Variants in TIMM50 observed in about 807,000 individuals in gnomAD.
TIMM50 encodes mitochondrial import inner membrane translocase subunit TIM50.
In TIMM50, 34 loss-of-function variants were observed where a neutral mutation model predicts 49.6. The observed-to-expected ratio is 0.69, with a 90% CI of 0.52 to 0.91. The LOEUF is 0.91. Among genes scored for constraint, TIMM50 ranks in the 40% least tolerant of loss-of-function variants. The pLI is 0.00. For missense variants in TIMM50, 458 were observed against 477.8 expected (o/e 0.96, Z 0.39); for synonymous variants, 199 against 198.4 (o/e 1.00, Z -0.03).
rs1287977413 is a variant in TIMM50 at position 39,491,333 on chromosome 19, A to G, written c.*1513A>G. 1.3e-5 allele frequency: 2 copies of G among 151,416 alleles called. No individual in the cohort carries two copies. The highest frequency in any genetic ancestry group is 2.4e-5 in the African/African-American group (1 of 41,226). The allele number at this position is 151,416 out of a possible 1,614,324, so 9.4% of individuals were successfully genotyped here. On this transcript the variant is annotated 3_prime_UTR_variant, in exon 11 of 11. Coordinates refer to ENST00000607714, the MANE Select transcript of TIMM50 (RefSeq NM_001001563.5). ...AGGCGCACACCACCACGCCCGGCTA[A>G]TTTTTGTATTTTTTTAGTAGAGACA...
intron 2 of TIMM50, among the ~76,000 whole-genome samples, chr19:39,482,448 G>C (rs985942241): frequency 6.6e-6 from 1 of 152,046 alleles, no homozygotes; most frequent in African/African-American, 2.4e-5. Flanking sequence ...ACGAGGTCAG[G>C]AGACGGAGAC....
chr19:39,488,361 G>A, intron 9 of TIMM50, 144 bp downstream of exon 9: 1 of 1,163,280 alleles, frequency 8.6e-7, no homozygotes, highest in South Asian at 1.5e-5. Context: ...TTCTTAGGAT[G>A]TTCATGGAAT....
At chr19:39,483,202 C>CT in intron 4 of TIMM50, 46 bp downstream of exon 4, 1 of 1,612,214 alleles carries the variant, frequency 6.2e-7, no homozygotes, top group Non-Finnish European at 8.5e-7. Flanking sequence ...CCTCTCAACT[C>CT]TGTCATTTGT....
intron 3 of TIMM50, 106 bp from the exon 4 acceptor site, chr19:39,483,029 G>A (rs1464925276): frequency 1.2e-6 from 2 of 1,608,378 alleles, no homozygotes; most frequent in South Asian, 1.1e-5. Flanking sequence ...TTCTTTCCCA[G>A]TGACCTTTGC....
intron 8 of TIMM50, 142 bp downstream of exon 8, chr19:39,486,637 CTCT>C: frequency 4.0e-6 from 3 of 757,958 alleles, no homozygotes; most frequent in Non-Finnish European, 6.6e-6. Context: ...ACATGCCTGC[CTCT>C]AGCCTTGGCC....
chr19:39,489,918 C>T lies in TIMM50; in HGVS notation c.*98C>T, dbSNP rs543496720. 36 of 1,146,388 alleles carry T rather than the reference C, an allele frequency of 3.1e-5. No individual in the cohort carries two copies. The highest frequency in any genetic ancestry group is 1.7e-4 in the African/African-American group (11 of 65,392). 71.0% of individuals were successfully genotyped at this position (1,146,388 alleles called of 1,614,324 possible). A position where few individuals can be genotyped will look rare whatever the true frequency, so the allele number is the denominator to read the frequency against. On this transcript the variant is annotated 3_prime_UTR_variant, in exon 11 of 11. Coordinates refer to ENST00000607714, the MANE Select transcript of TIMM50 (RefSeq NM_001001563.5). ...CTTGTCCAATAAAGTACATCCCAGACGCCACACCTGCTGTGTCCCGAGAGT... is the reference window on the plus strand; with the variant it reads ...CTTGTCCAATAAAGTACATCCCAGATGCCACACCTGCTGTGTCCCGAGAGT...
At position 39,480,937 on chromosome 19, in the gene TIMM50, G is replaced by A. The variant is rs2079466535; in HGVS notation, c.84G>A (p.Thr28=). 1.3e-6 allele frequency: 2 copies of A among 1,583,858 alleles called. No individual in the cohort carries two copies. The highest frequency in any genetic ancestry group is 1.1e-5 in the South Asian group (1 of 89,420). Residue 28 remains threonine (T), a synonymous_variant, in exon 1 of 11, where the codon ACG becomes ACA. Coordinates refer to ENST00000607714, the MANE Select transcript of TIMM50 (RefSeq NM_001001563.5). The part of the protein sequence containing the change: ...GSRGLCTRLA[T]PPRRAPDQAA... ...GGGGACTGTGCACGAGGTTGGCGAC[G>A]CCGCCCCGCCGGGCCCCAGATCAGG...
chr19:39,492,964 GTC>G lies in TIMM50; in HGVS notation c.*3149_*3150del, dbSNP rs1193778891. ...CCCCACATTGCCCCCCACTATCCCAGTCTCTCCTACTCCAGCCTTCATCTAGT... is the reference window on the plus strand; with the variant it reads ...CCCCACATTGCCCCCCACTATCCCAGTCTCCTACTCCAGCCTTCATCTAGT... On this transcript the variant is annotated 3_prime_UTR_variant, in exon 11 of 11. Transcript: ENST00000607714. The G allele has an allele frequency of 6.8e-6, 1 of 146,960 alleles. No individual in the cohort carries two copies. The highest frequency in any genetic ancestry group is 6.9e-5 in the Admixed American group (1 of 14,448). The allele number at this position is 146,960 out of a possible 1,614,324, so 9.1% of individuals were successfully genotyped here. A position where few individuals can be genotyped will look rare whatever the true frequency, so the allele number is the denominator to read the frequency against.
chr19:39,487,406 G>A (rs538472568), intron 8 of TIMM50, among the ~76,000 whole-genome samples: 1 of 152,112 alleles, frequency 6.6e-6, no homozygotes, highest in African/African-American at 2.4e-5. Flanking sequence ...CTGAGTAGCT[G>A]GGCCTATAGG....
chr19:39,486,595 G>A, intron 8 of TIMM50, 100 bp downstream of exon 8: 4 of 1,096,216 alleles, frequency 3.6e-6, no homozygotes, highest in Non-Finnish European at 5.5e-6. Context: ...CTGGCTTATG[G>A]TTCTGCCCAG....
Position 39,480,900 on chromosome 19 carries a change from G to C in TIMM50, c.47G>C (p.Arg16Pro). ...AVFSRLRSGL[R>P]LGSRGLCTRL... ...TTCTCGCGCTTGCGAAGCGGGCTCC[G>C]GCTCGGCTCGCGGGGACTGTGCACG... Residue 16 changes from arginine (R) to proline (P), a missense_variant, in exon 1 of 11, where the codon CGG (arginine) becomes CCG (proline). Physicochemically the swap from Arg to Pro is moderately radical, Grantham distance 103. Transcript: ENST00000607714. 1.9e-6 allele frequency: 3 copies of C among 1,594,432 alleles called. No individual in the cohort carries two copies. The highest frequency in any genetic ancestry group is 2.6e-6 in the Non-Finnish European group (3 of 1,175,838).
chr19:39,483,000 G>A, intron 3 of TIMM50, 84 bp downstream of exon 3: 1 of 1,608,972 alleles, frequency 6.2e-7, no homozygotes, highest in Non-Finnish European at 8.5e-7. Flanking sequence ...CAGGCACATT[G>A]CTGGTCTGGA....
chr19:39,489,634 G>C, intron 10 of TIMM50, 85 bp from the exon 11 acceptor site: 1 of 1,297,796 alleles, frequency 7.7e-7, no homozygotes, highest in Non-Finnish European at 1.1e-6. Flanking sequence ...TGGTCCCTGG[G>C]CTGAGGCCTG....
At position 39,483,145 on chromosome 19, in the gene TIMM50, A is replaced by C; in HGVS notation, c.302A>C (p.Glu101Ala). Residue 101 changes from glutamate (E) to alanine (A), a missense_variant, in exon 4 of 11, where the codon GAG (glutamate) becomes GCG (alanine). Coordinates refer to ENST00000607714, the MANE Select transcript of TIMM50 (RefSeq NM_001001563.5). ...VDENGAKIPD[E>A]FDNDPILVQQ... ...CTCTCTACCTCCCAGATTCCTGATG[A>C]GTTCGACAATGGTGAGTAAACAAGC... The C allele has an allele frequency of 6.2e-7, 1 of 1,614,100 alleles. No homozygotes were observed. Among genetic ancestry groups the C allele is most frequent in the Non-Finnish European group, 8.5e-7 (1 of 1,180,024 alleles).
intron 10 of TIMM50, among the ~76,000 whole-genome samples, chr19:39,489,393 T>C (rs922920490): frequency 3.3e-5 from 5 of 152,072 alleles, no homozygotes; most frequent in Admixed American, 6.6e-5. Context: ...AAGGAGATTA[T>C]GACAGTCTGG....
Position 39,483,893 on chromosome 19 carries a change from G to A in TIMM50, c.313+737G>A, listed in dbSNP as rs570000407. On this transcript the variant is annotated intron_variant, in intron 4 of 10. Transcript: ENST00000607714. ...TTTTGAGACATAGTCTTGCTCTGTTGCCTAGGCTGGAGTGCAGTGATGCAA... is the reference window on the plus strand; with the variant it reads ...TTTTGAGACATAGTCTTGCTCTGTTACCTAGGCTGGAGTGCAGTGATGCAA... Among the ~76,000 whole-genome samples the A allele has an allele frequency of 2.6e-5, 4 of 151,958 alleles. No homozygotes were observed. In the East Asian group the frequency reaches 7.7e-4, roughly 29 times the overall value.
intron 9 of TIMM50, 67 bp downstream of exon 9, chr19:39,488,284 A>G: frequency 2.6e-6 from 4 of 1,547,680 alleles, no homozygotes; most frequent in Non-Finnish European, 3.5e-6. Context: ...GGAAGGATAA[A>G]TGCATGATTC....
chr19:39,482,684 G>A (rs1236238413), intron 2 of TIMM50, among the ~76,000 whole-genome samples: 1 of 149,604 alleles, frequency 6.7e-6, no homozygotes, highest in East Asian at 2.0e-4. Flanking sequence ...AAATCCCACA[G>A]ACCCAAAAGA....
chr19:39,485,501 A>C, intron 4 of TIMM50, 43 bp from the exon 5 acceptor site: 1 of 1,613,456 alleles, frequency 6.2e-7, no homozygotes, highest in East Asian at 2.2e-5. Context: ...GAGGTTGAAC[A>C]GCGGCTTATT....
Sources: allele counts gnomAD v4.1 joint callset (sites outside exome capture counted in the v4.1 genomes callset), GRCh38; gene constraint gnomAD v4.1.1; transcripts MANE v1.5; gene names NCBI Gene and HGNC (gene_info 2026-07-23, HGNC 2026-07-21).